Variants in SNX29 observed in about 807,000 individuals in gnomAD.
SNX29 encodes sorting nexin-29.
SNX29 carries 78 observed loss-of-function variants against 102.1 expected under a neutral mutation model. The ratio of observed to expected loss-of-function variants is 0.76; its 90% CI spans 0.64 to 0.92. The LOEUF is 0.92. Among genes scored for constraint, SNX29 ranks in the 40% least tolerant of loss-of-function variants. The pLI is 0.00. For missense variants in SNX29, 1,280 were observed against 1,061.7 expected, an observed-to-expected ratio of 1.21 and a Z score of -2.86; for synonymous variants, 580 against 414.5, an observed-to-expected ratio of 1.40 and a Z score of -4.85.
chr16:12,541,241 G>T (rs189100081), intron 20 of SNX29, among the ~76,000 whole-genome samples: 1 of 152,144 alleles, frequency 6.6e-6, no homozygotes, highest in Non-Finnish European at 1.5e-5. Context: ...ATGGAACCAT[G>T]TATCATATCT....
intron 19 of SNX29, among the ~76,000 whole-genome samples, chr16:12,499,755 G>C (rs1420912949): frequency 6.6e-6 from 1 of 152,140 alleles, no homozygotes; most frequent in Non-Finnish European, 1.5e-5. Context: ...CTCACTTGCA[G>C]CCTTGACCTC....
At chr16:12,550,341 C>A (rs2077892318) in intron 20 of SNX29, among the ~76,000 whole-genome samples, 1 of 152,070 alleles carries the variant, frequency 6.6e-6, no homozygotes, top group Admixed American at 6.6e-5. Context: ...GTGAGACCAG[C>A]CTAGCCAACA....
In SNX29 at chr16:12,048,471, C is replaced by G; in HGVS notation, c.599C>G (p.Thr200Arg). Residue 200 changes from threonine to arginine, a missense_variant, in exon 7 of 21, where the codon ACG (threonine) becomes AGG (arginine). By Grantham distance (71) the Thr-to-Arg change is moderately conservative (BLOSUM62 -1). Coordinates refer to ENST00000566228, the MANE Select transcript of SNX29 (RefSeq NM_032167.5). Reference protein sequence around the residue: ...PTVSDLLKESTQNVTSLLKES... With the variant: ...PTVSDLLKESRQNVTSLLKES... ...GTTTCAGACCTCTTAAAGGAGTCAA[C>G]GCAGAACGTGACCTCCTTGCTGAAG... The G allele has an allele frequency of 1.2e-6, 2 of 1,613,892 alleles. No homozygotes were observed. The highest frequency in any genetic ancestry group is 1.7e-6 in the Non-Finnish European group (2 of 1,179,864).
intron 13 of SNX29, among the ~76,000 whole-genome samples, chr16:12,141,604 G>C (rs1294549299): frequency 1.3e-5 from 2 of 152,240 alleles, no homozygotes; most frequent in Non-Finnish European, 2.9e-5. Context: ...CTCGGGGCAG[G>C]ATTTCCTGGA....
rs1055061998 is a variant in SNX29, at chr16:12,573,478, G to A, written c.*4849G>A. 18 of 223,978 alleles carry A rather than the reference G, an allele frequency of 8.0e-5. No individual in the cohort carries two copies. Among genetic ancestry groups the A allele is most frequent in the Admixed American group, 1.1e-4 (2 of 17,446 alleles). 13.9% of individuals were successfully genotyped at this position (223,978 alleles called of 1,614,324 possible). A position where few individuals can be genotyped will look rare whatever the true frequency, so the allele number is the denominator to read the frequency against. ...ACATTAAGGAGCAGCGCTGCTGGCG[G>A]AAGATTCTAGATTCACTGGTGGTTT... is the stretch of plus-strand genomic sequence containing the variant. On this transcript the variant is annotated 3_prime_UTR_variant, in exon 21 of 21. Coordinates refer to ENST00000566228, the MANE Select transcript of SNX29 (RefSeq NM_032167.5).
At chr16:11,986,837 G>A (rs2055647643) in intron 1 of SNX29, among the ~76,000 whole-genome samples, 1 of 152,048 alleles carries the variant, frequency 6.6e-6, no homozygotes, top group Admixed American at 6.6e-5. Flanking sequence ...ACAGACCATG[G>A]GTAAGTGAAA....
intron 18 of SNX29, among the ~76,000 whole-genome samples, chr16:12,434,151 T>A (rs1287081357): frequency 6.6e-6 from 1 of 152,244 alleles, no homozygotes; most frequent in East Asian, 1.9e-4. Context: ...GAAACATGCT[T>A]CTGCCTGGCC....
chr16:12,492,472 T>G (rs1385075279), intron 19 of SNX29, among the ~76,000 whole-genome samples: 1 of 152,222 alleles, frequency 6.6e-6, no homozygotes, highest in African/African-American at 2.4e-5. Context: ...TTCTCCCATT[T>G]TGCAGGTTGC....
At position 12,070,110 on chromosome 16, in the gene SNX29, A is replaced by G. The variant is rs137993620; in HGVS notation, c.1319+978A>G. Among the ~76,000 whole-genome samples, 106 of 152,306 alleles carry G rather than the reference A, an allele frequency of 7.0e-4. 3 individuals carry two copies. The East Asian group carries it at 0.014, about 21-fold the overall frequency. ...TGCTGTCTGGCATGTATTAAGCACT[A>G]TATAGGTTTTCTTTTTGTTTTTTCA... On this transcript the variant is annotated intron_variant, in intron 10 of 20. Transcript: ENST00000566228.
chr16:12,065,860 C>G (rs2051010842), intron 9 of SNX29, among the ~76,000 whole-genome samples: 1 of 152,120 alleles, frequency 6.6e-6, no homozygotes, highest in Non-Finnish European at 1.5e-5. Context: ...AGGGTTCAAA[C>G]CTTTGCACTT....
At chr16:12,549,846 A>C (rs747465910) in intron 20 of SNX29, among the ~76,000 whole-genome samples, 2 of 152,266 alleles carry the variant, frequency 1.3e-5, no homozygotes, top group Non-Finnish European at 2.9e-5. Context: ...CCTTGGCCGC[A>C]TGACTGTGGT....
chr16:12,004,240 C>G (rs540757019), intron 3 of SNX29, among the ~76,000 whole-genome samples: 2 of 151,430 alleles, frequency 1.3e-5, no homozygotes, highest in South Asian at 4.2e-4. Context: ...ACTTGGGAGA[C>G]TGAGGCAGGA....
At chr16:12,318,953 A>G (rs1265005095) in intron 15 of SNX29, among the ~76,000 whole-genome samples, 2 of 152,032 alleles carry the variant, frequency 1.3e-5, no homozygotes, top group Non-Finnish European at 2.9e-5. Flanking sequence ...GGGCGTGATT[A>G]CCCTTATCTT....
chr16:12,427,363 G>A (rs1001912902), intron 18 of SNX29, among the ~76,000 whole-genome samples: 4 of 151,874 alleles, frequency 2.6e-5, no homozygotes, highest in Middle Eastern at 3.4e-3. Flanking sequence ...TTTAACCTGC[G>A]TGAATTACCA....
chr16:12,329,034 G>A (rs2081213144), intron 15 of SNX29, among the ~76,000 whole-genome samples: 1 of 152,052 alleles, frequency 6.6e-6, no homozygotes, highest in Non-Finnish European at 1.5e-5. Context: ...CACTTTGGGA[G>A]GCTGAGGCAG....
At chr16:12,011,479 T>A (rs932484782) in intron 3 of SNX29, among the ~76,000 whole-genome samples, 1 of 151,972 alleles carries the variant, frequency 6.6e-6, no homozygotes, top group Non-Finnish European at 1.5e-5. Flanking sequence ...TTAACCATGT[T>A]GGCCAGGCTG....
At chr16:12,296,362 G>T (rs1255706307) in intron 15 of SNX29, among the ~76,000 whole-genome samples, 1 of 152,134 alleles carries the variant, frequency 6.6e-6, no homozygotes, top group South Asian at 2.1e-4. Context: ...TGTGCCCATG[G>T]CCCTTATATA....
At chr16:12,554,157 T>G (rs78742863) in intron 20 of SNX29, among the ~76,000 whole-genome samples, 2,234 of 152,186 alleles carry the variant, frequency 0.015, 64 homozygotes, top group African/African-American at 0.05. Context: ...TGTGTTTAAG[T>G]AAATGAGCAA....
At chr16:12,422,892 A>G (rs11642299) in intron 18 of SNX29, among the ~76,000 whole-genome samples, 5,397 of 152,280 alleles carry the variant, frequency 0.035, 161 homozygotes, top group South Asian at 0.063. Flanking sequence ...GTGTACGGAG[A>G]TAGGCTTTAA....
Sources: gnomAD v4.1 joint callset for allele counts (sites outside exome capture counted in the v4.1 genomes callset) on GRCh38, gnomAD v4.1.1 for gene constraint, MANE v1.5 for transcripts, NCBI Gene and HGNC (gene_info 2026-07-23, HGNC 2026-07-21) for gene names.